Variants in CADPS observed in about 807,000 individuals in gnomAD.
The protein encoded by CADPS is calcium-dependent secretion activator 1.
In CADPS, 57 loss-of-function variants were observed where a neutral mutation model predicts 167.3. The observed-to-expected ratio is 0.34, with a 90% CI of 0.28 to 0.42. The LOEUF is 0.42. Among genes scored for constraint, CADPS ranks in the 20% least tolerant of loss-of-function variants. The probability of loss-of-function intolerance (pLI) is 1.00; values close to 1 mark genes in which losing one functional copy is unlikely to be tolerated. For synonymous variants in CADPS, 676 were observed against 635.3 expected (o/e 1.06, Z -0.96); for missense variants, 1,414 against 1,738.1 (o/e 0.81, Z 3.32).
In CADPS at chr3:62,662,346, C is replaced by A. The variant is rs776727904; in HGVS notation, c.937G>T (p.Gly313Ter). 1 of 1,613,934 alleles carries A rather than the reference C, an allele frequency of 6.2e-7. No homozygotes were observed. The highest frequency in any genetic ancestry group is 8.5e-7 in the Non-Finnish European group (1 of 1,179,888). Residue 313 changes from glycine (G) to a stop codon, truncating the protein, a stop_gained, in exon 4 of 30, where the codon GGA becomes TGA. Coordinates refer to ENST00000383710, the MANE Select transcript of CADPS (RefSeq NM_003716.4). LOFTEE classifies it high-confidence loss of function. ...ATTTGGTCTGCCATTTGTAGACGTC[C>A]ATCCAGCTCTCGTCTGATCTGGGCT... ...QAAQIRRELD[G>*]RLQMADQIAR...
intron 6 of CADPS, among the ~76,000 whole-genome samples, chr3:62,635,549 T>C (rs987320053): frequency 9.9e-5 from 15 of 152,176 alleles, no homozygotes; most frequent in African/African-American, 3.6e-4. Context: ...TATATTTTTA[T>C]GTGTGTGTAT....
intron 3 of CADPS, among the ~76,000 whole-genome samples, chr3:62,751,850 A>AT (rs2082774438): frequency 1.3e-5 from 2 of 152,154 alleles, no homozygotes; most frequent in African/African-American, 4.8e-5. Flanking sequence ...GGATTAATTC[A>AT]TTTTTTAGGA....
intron 3 of CADPS, among the ~76,000 whole-genome samples, chr3:62,665,526 G>A (rs1458507541): frequency 6.6e-6 from 1 of 152,168 alleles, no homozygotes; most frequent in Non-Finnish European, 1.5e-5. Context: ...CATTATGTTG[G>A]CTTCATACTT....
intron 1 of CADPS, among the ~76,000 whole-genome samples, chr3:62,846,400 C>T (rs1173884768): frequency 1.3e-5 from 2 of 152,128 alleles, no homozygotes; most frequent in Non-Finnish European, 2.9e-5. Flanking sequence ...TGATTATAAT[C>T]GTTGCCTAGA....
chr3:62,746,499 G>T (rs1488616138), intron 3 of CADPS, among the ~76,000 whole-genome samples: 2 of 152,040 alleles, frequency 1.3e-5, no homozygotes, highest in Non-Finnish European at 2.9e-5. Flanking sequence ...ACCATGCCTG[G>T]CTAATTTTTT....
At position 62,875,146 on chromosome 3, in the gene CADPS, G is replaced by C. The variant is rs991517486; in HGVS notation, c.-117C>G. The stretch of plus-strand genomic sequence containing the variant: ...GGTGGGCGCTTCTCCCCAGGTCAGG[G>C]AGCGAGAGCGCTGCTGCTCAGCCTC... On this transcript the variant is annotated 5_prime_UTR_variant, in exon 1 of 30. Transcript: ENST00000383710. 7.9e-7 allele frequency: 1 copy of C among 1,262,154 alleles called. No homozygotes were observed. Among genetic ancestry groups the C allele is most frequent in the Non-Finnish European group, 1.0e-6 (1 of 987,480 alleles). The allele number at this position is 1,262,154 out of a possible 1,614,324, so 78.2% of individuals were successfully genotyped here. A position where few individuals can be genotyped will look rare whatever the true frequency, so the allele number is the denominator to read the frequency against.
intron 1 of CADPS, among the ~76,000 whole-genome samples, chr3:62,857,308 C>A (rs2079901613): frequency 6.6e-6 from 1 of 152,066 alleles, no homozygotes; most frequent in African/African-American, 2.4e-5. Context: ...CTCACTCATG[C>A]TCCACTAGTG....
rs780670416 is a variant in CADPS at position 62,438,259 on chromosome 3, C to G, written c.3670-48G>C. 17 of 1,377,532 alleles carry G rather than the reference C, an allele frequency of 1.2e-5. No homozygotes were observed. Among genetic ancestry groups the G allele is most frequent in the Non-Finnish European group, 1.8e-5 (17 of 966,144 alleles). The allele number at this position is 1,377,532 out of a possible 1,614,324, so 85.3% of individuals were successfully genotyped here. On this transcript the variant is annotated intron_variant, in intron 27 of 29. Transcript: ENST00000383710. This position sits in a 1 kb window ranked among gnomAD's most constrained non-coding sequence, Gnocchi z 4.7. ...GAAAACGAATTTTCAGACAGCCACT[C>G]TTCCTTGTTTACCATTCACTTGTAC...
intron 9 of CADPS, among the ~76,000 whole-genome samples, chr3:62,567,818 G>C (rs962915309): frequency 6.6e-6 from 1 of 151,828 alleles, no homozygotes; most frequent in African/African-American, 2.4e-5. Flanking sequence ...CATGTGATCC[G>C]CCCTCCTCAG....
At chr3:62,766,790 C>A (rs181246564) in intron 1 of CADPS, among the ~76,000 whole-genome samples, 2 of 152,206 alleles carry the variant, frequency 1.3e-5, no homozygotes, top group Admixed American at 1.3e-4. Context: ...GGTATCAATG[C>A]AGGCAGCACT....
intron 21 of CADPS, among the ~76,000 whole-genome samples, chr3:62,485,414 C>G (rs1301825088): frequency 1.3e-5 from 2 of 152,028 alleles, no homozygotes; most frequent in African/African-American, 4.8e-5. Flanking sequence ...TGAAATCCTG[C>G]TCTCAAGCTA....
intron 1 of CADPS, among the ~76,000 whole-genome samples, chr3:62,769,951 C>T (rs1034772584): frequency 1.3e-5 from 2 of 152,126 alleles, no homozygotes; most frequent in African/African-American, 4.8e-5. Context: ...GGGTAACATA[C>T]CTCAAGATCT....
chr3:62,825,939 C>T (rs756318235), intron 1 of CADPS, among the ~76,000 whole-genome samples: 7 of 152,060 alleles, frequency 4.6e-5, no homozygotes, highest in African/African-American at 7.2e-5. Flanking sequence ...AGGGGAGAAG[C>T]GAGGGTGACA....
At chr3:62,853,063 A>C (rs570379553) in intron 1 of CADPS, among the ~76,000 whole-genome samples, 19 of 152,334 alleles carry the variant, frequency 1.2e-4, no homozygotes, top group African/African-American at 4.3e-4. Flanking sequence ...AGTGGCTCAA[A>C]TGCTTTATCT....
intron 6 of CADPS, among the ~76,000 whole-genome samples, chr3:62,628,775 C>T (rs990930036): frequency 5.9e-5 from 9 of 151,790 alleles, no homozygotes; most frequent in Admixed American, 5.3e-4. Flanking sequence ...CACAGGTGCC[C>T]GCCACTACAC....
chr3:62,430,800 T>A (rs2053766819), intron 28 of CADPS, among the ~76,000 whole-genome samples: 2 of 152,276 alleles, frequency 1.3e-5, no homozygotes, highest in African/African-American at 4.8e-5. Context: ...CCCTCCAACT[T>A]GTCTCCAGTT....
intron 1 of CADPS, among the ~76,000 whole-genome samples, chr3:62,865,063 GT>G (rs2081435797): frequency 6.6e-6 from 1 of 152,110 alleles, no homozygotes; most frequent in African/African-American, 2.4e-5. Flanking sequence ...AACACAGTAT[GT>G]TATGACACAC....
At chr3:62,743,174 G>A (rs886814986) in intron 3 of CADPS, among the ~76,000 whole-genome samples, 1 of 152,084 alleles carries the variant, frequency 6.6e-6, no homozygotes, top group Non-Finnish European at 1.5e-5. Context: ...GGTGGAAAAG[G>A]TAACATCTTA....
intron 1 of CADPS, among the ~76,000 whole-genome samples, chr3:62,773,865 A>T (rs1238142436): frequency 1.3e-5 from 2 of 152,202 alleles, no homozygotes; most frequent in African/African-American, 2.4e-5. Flanking sequence ...TACTACTTTT[A>T]AAAAATGAGG....
Sources: allele counts gnomAD v4.1 joint callset (sites outside exome capture counted in the v4.1 genomes callset), GRCh38; gene constraint gnomAD v4.1.1; non-coding constraint Gnocchi (gnomAD v3.1); transcripts MANE v1.5; gene names NCBI Gene and HGNC (gene_info 2026-07-23, HGNC 2026-07-21).